LRRC37A2: variants seen among roughly 807,000 people sequenced by gnomAD.
LRRC37A2 encodes the protein leucine rich repeat containing 37 member A2, also known as leucine-rich repeat-containing protein 37A2.
In LRRC37A2, 9 loss-of-function variants were observed where a neutral mutation model predicts 68.8. That is an observed-to-expected ratio of 0.13 (90% CI 0.08 to 0.23). The LOEUF is 0.23. Ranked by LOEUF, LRRC37A2 falls within the 10% of genes least tolerant of loss-of-function variation. The probability of loss-of-function intolerance (pLI) is 1.00; values close to 1 mark genes in which losing one functional copy is unlikely to be tolerated. For missense variants in LRRC37A2, 168 were observed against 950.4 expected (o/e 0.18, Z 10.82); for synonymous variants, 63 against 367.6 (o/e 0.17, Z 9.48).
the LRRC37A2 span, among the ~76,000 whole-genome samples, chr17:46,437,692 T>C: frequency 6.6e-6 from 1 of 150,876 alleles, no homozygotes; most frequent in Non-Finnish European, 1.5e-5. Flanking sequence ...CTCGATGATA[T>C]GATTTTTTTA....
the LRRC37A2 span, among the ~76,000 whole-genome samples, chr17:46,781,043 ACATGGTGAAACCC>A: frequency 1.3e-5 from 2 of 151,894 alleles, no homozygotes; most frequent in East Asian, 3.9e-4. Flanking sequence ...AGCCTGGCCA[ACATGGTGAAACCC>A]CATCTCTACT....
chr17:46,824,332 T>A, the LRRC37A2 span, among the ~76,000 whole-genome samples: 1 of 152,212 alleles, frequency 6.6e-6, no homozygotes, highest in Non-Finnish European at 1.5e-5. Flanking sequence ...CACTGCAGCA[T>A]CCACCTCCTG....
At chr17:46,833,176 T>C in the LRRC37A2 span, 10 of 367,534 alleles carry the variant, frequency 2.7e-5, no homozygotes, top group East Asian at 6.6e-4. Flanking sequence ...AGGAGTGACA[T>C]GGTGCTCTCA....
chr17:46,864,036 C>T, the LRRC37A2 span, among the ~76,000 whole-genome samples: 1 of 152,210 alleles, frequency 6.6e-6, no homozygotes, highest in East Asian at 1.9e-4. Context: ...ATGGCACTGT[C>T]CTCATCATTG....
At chr17:46,871,084 T>G in the LRRC37A2 span, among the ~76,000 whole-genome samples, 1 of 151,934 alleles carries the variant, frequency 6.6e-6, no homozygotes, top group Non-Finnish European at 1.5e-5. Flanking sequence ...ATAATTTTTC[T>G]ATTTTTAGTA....
At chr17:46,771,434 C>A in the LRRC37A2 span, among the ~76,000 whole-genome samples, 2 of 150,830 alleles carry the variant, frequency 1.3e-5, no homozygotes, top group African/African-American at 4.8e-5. Context: ...CCTGCGGCCT[C>A]TCGCGGCGGC....
the LRRC37A2 span, chr17:46,821,121 C>T: frequency 6.6e-6 from 1 of 152,294 alleles, no homozygotes; most frequent in East Asian, 1.9e-4. Flanking sequence ...AATGCCTCCT[C>T]CAGGCAGCCT....
chr17:46,923,060 G>A, the LRRC37A2 span: 1 of 705,314 alleles, frequency 1.4e-6, no homozygotes, highest in Non-Finnish European at 2.6e-6. Flanking sequence ...TGCTAGTAAG[G>A]CGCGCGTGCG....
the LRRC37A2 span, among the ~76,000 whole-genome samples, chr17:47,003,054 C>T: frequency 6.6e-6 from 1 of 151,856 alleles, no homozygotes; most frequent in Non-Finnish European, 1.5e-5. Flanking sequence ...CCAGCCTGGG[C>T]AACAGAGCCC....
the LRRC37A2 span, among the ~76,000 whole-genome samples, chr17:46,775,871 C>T: frequency 9.2e-5 from 14 of 152,014 alleles, no homozygotes; most frequent in African/African-American, 3.4e-4. Flanking sequence ...CCTCGGCCTC[C>T]CAAAGTGCTG....
the LRRC37A2 span, among the ~76,000 whole-genome samples, chr17:46,920,798 G>C: frequency 6.6e-6 from 1 of 152,128 alleles, no homozygotes; most frequent in African/African-American, 2.4e-5. Context: ...CCTGCACTAG[G>C]CGCAACAGGC....
chr17:46,461,113 TCTC>T, the LRRC37A2 span, among the ~76,000 whole-genome samples: 1 of 68,028 alleles, frequency 1.5e-5, no homozygotes, highest in African/African-American at 5.8e-5. Flanking sequence ...GTAGCTGTCT[TCTC>T]AATAGAAATG....
At chr17:46,939,213 A>G in the LRRC37A2 span, 5 of 1,073,430 alleles carry the variant, frequency 4.7e-6, no homozygotes, top group African/African-American at 1.6e-5. Flanking sequence ...TCTCACAGCC[A>G]TTATATTAAA....
the LRRC37A2 span, among the ~76,000 whole-genome samples, chr17:46,864,017 G>A: frequency 6.6e-6 from 1 of 152,186 alleles, no homozygotes; most frequent in Non-Finnish European, 1.5e-5. Context: ...CCTAGAGCCT[G>A]TGCAAACAAT....
At chr17:46,790,632 T>C in the LRRC37A2 span, among the ~76,000 whole-genome samples, 1 of 152,126 alleles carries the variant, frequency 6.6e-6, no homozygotes, top group Non-Finnish European at 1.5e-5. Flanking sequence ...GTCCCCTGTT[T>C]TCCAACCTCT....
chr17:46,646,502 CAAAAAAAAAAAAA>C, the LRRC37A2 span, among the ~76,000 whole-genome samples: 92 of 506 alleles, frequency 0.18, 23 homozygotes, highest in Non-Finnish European at 0.25. Context: ...GACTCCATCT[CAAAAAAAAAAAAA>C]AAAAAAAAAA....
chr17:46,900,350 A>G, the LRRC37A2 span, among the ~76,000 whole-genome samples: 1,227 of 151,632 alleles, frequency 8.1e-3, 15 homozygotes, highest in African/African-American at 0.029. Flanking sequence ...TCCCGGGTTC[A>G]AGAGATTCTC....
At chr17:46,978,816 C>T in the LRRC37A2 span, 1 of 1,609,756 alleles carries the variant, frequency 6.2e-7, no homozygotes, top group East Asian at 2.2e-5. Context: ...CCACCCGCGA[C>T]ACCCACAGGC....
the LRRC37A2 span, among the ~76,000 whole-genome samples, chr17:46,493,705 T>G: frequency 9.4e-5 from 14 of 149,506 alleles, no homozygotes; most frequent in East Asian, 2.5e-3. Context: ...GCCCAGCTAA[T>G]TTTTTGTATT....
Sources: allele counts gnomAD v4.1 joint callset (sites outside exome capture counted in the v4.1 genomes callset), GRCh38; gene constraint gnomAD v4.1.1; transcripts MANE v1.5; gene names NCBI Gene and HGNC (gene_info 2026-07-23, HGNC 2026-07-21).